Variants in DLG1 observed in about 807,000 individuals in gnomAD.
DLG1 encodes the protein discs large MAGUK scaffold protein 1.
Under a neutral mutation model 123.4 loss-of-function variants are expected in DLG1, and 42 were observed. The ratio of observed to expected loss-of-function variants is 0.34; its 90% CI spans 0.27 to 0.44. The LOEUF (loss-of-function observed/expected upper bound fraction) is 0.44, where lower values mean the gene tolerates loss of function less well. Among genes scored for constraint, DLG1 ranks in the 20% least tolerant of loss-of-function variants. DLG1 has a pLI of 1.00. For missense variants in DLG1, 942 were observed against 1,082.6 expected (o/e 0.87, Z 1.82); for synonymous variants, 317 against 356.2 (o/e 0.89, Z 1.24).
At chr3:197,213,299 A>T (rs954034817) in intron 4 of DLG1, among the ~76,000 whole-genome samples, 4 of 151,520 alleles carry the variant, frequency 2.6e-5, no homozygotes, top group Admixed American at 6.6e-5. Context: ...GCTTTTTTTT[A>T]AAAAGACACT....
chr3:197,158,932 TAAAGC>T (rs1442797882), intron 5 of DLG1, among the ~76,000 whole-genome samples: 1 of 152,210 alleles, frequency 6.6e-6, no homozygotes, highest in African/African-American at 2.4e-5. Flanking sequence ...CATCTAGTTT[TAAAGC>T]AGAGTATTTA....
intron 4 of DLG1, among the ~76,000 whole-genome samples, chr3:197,277,619 G>C (rs1356973799): frequency 6.6e-6 from 1 of 151,890 alleles, no homozygotes; most frequent in Non-Finnish European, 1.5e-5. Flanking sequence ...AGGATTACAG[G>C]TGTGAACCAC....
At position 197,119,394 on chromosome 3, in the gene DLG1, A is replaced by G; in HGVS notation, c.1286+16T>C. 1 of 1,577,428 alleles carries G rather than the reference A, an allele frequency of 6.3e-7. No homozygotes were observed. The highest frequency in any genetic ancestry group is 8.6e-7 in the Non-Finnish European group (1 of 1,160,000). Reference sequence around the variant, plus strand: ...AGTTGATTTTATGTAAGAAGGATAAATGTTAACTTCCTTACCTTGTAATTT... The same window carrying G: ...AGTTGATTTTATGTAAGAAGGATAAGTGTTAACTTCCTTACCTTGTAATTT... On this transcript the variant is annotated intron_variant, in intron 12 of 24. Coordinates refer to ENST00000667157, the MANE Select transcript of DLG1 (RefSeq NM_001366207.1).
At chr3:197,285,905 C>A (rs1185027257) in intron 3 of DLG1, among the ~76,000 whole-genome samples, 1 of 152,214 alleles carries the variant, frequency 6.6e-6, no homozygotes, top group African/African-American at 2.4e-5. Flanking sequence ...AAACTTAAGT[C>A]AACTCAAGAC....
intron 13 of DLG1, among the ~76,000 whole-genome samples, chr3:197,110,688 A>G (rs981448398): frequency 9.2e-5 from 14 of 152,140 alleles, no homozygotes; most frequent in African/African-American, 3.4e-4. Flanking sequence ...ACTTTTCTTA[A>G]TGTTATAAAG....
intron 4 of DLG1, among the ~76,000 whole-genome samples, chr3:197,281,004 A>C (rs1356234030): frequency 6.7e-6 from 1 of 150,320 alleles, no homozygotes. Context: ...CTAACATGCT[A>C]AACTTTTTGT....
At position 197,136,909 on chromosome 3, in the gene DLG1, A is replaced by G. The variant is rs1320514366; in HGVS notation, c.884-231T>C. Among the ~76,000 whole-genome samples the G allele has an allele frequency of 2.6e-5, 4 of 152,370 alleles. No individual in the cohort carries two copies. In the East Asian group the frequency reaches 7.7e-4, roughly 29 times the overall value. On this transcript the variant is annotated intron_variant, in intron 9 of 24. Coordinates refer to ENST00000667157, the MANE Select transcript of DLG1 (RefSeq NM_001366207.1). ...TTTATCCCACATGTTCCTTCTTAGTATCTTTTCGCAAATGCACTTGTTATT... is the reference window on the plus strand; with the variant it reads ...TTTATCCCACATGTTCCTTCTTAGTGTCTTTTCGCAAATGCACTTGTTATT...
At chr3:197,135,454 G>A (rs1480538017) in intron 10 of DLG1, among the ~76,000 whole-genome samples, 1 of 152,190 alleles carries the variant, frequency 6.6e-6, no homozygotes, top group Non-Finnish European at 1.5e-5. Flanking sequence ...AGAAGGGCGT[G>A]TTTGCTTTCC....
intron 12 of DLG1, among the ~76,000 whole-genome samples, chr3:197,117,756 G>A (rs1406166237): frequency 1.3e-5 from 2 of 152,102 alleles, no homozygotes; most frequent in East Asian, 1.9e-4. Flanking sequence ...GAAGGGTTCC[G>A]AAAATTGTGA....
In DLG1 at chr3:197,281,773, T is replaced by C. The variant is rs139379645; in HGVS notation, c.318+906A>G. Among the ~76,000 whole-genome samples, 332 of 152,348 alleles carry C rather than the reference T, an allele frequency of 2.2e-3. 1 individual carries two copies. The highest frequency in any genetic ancestry group is 7.5e-3 in the African/African-American group (312 of 41,590). On this transcript the variant is annotated intron_variant, in intron 4 of 24. Transcript: ENST00000667157. ...AAATAAAGTGGGTCAAGTTATTCTA[T>C]TATGGATCTCAGTTTCCTCATCTTT...
At position 197,060,026 on chromosome 3, in the gene DLG1, A is replaced by G. The variant is rs1734660843; in HGVS notation, c.2374-28T>C. 7 of 1,514,068 alleles carry G rather than the reference A, an allele frequency of 4.6e-6. No homozygotes were observed. The East Asian group carries it at 1.4e-4, about 29-fold the overall frequency. 93.8% of individuals were successfully genotyped at this position (1,514,068 alleles called of 1,614,324 possible). A position where few individuals can be genotyped will look rare whatever the true frequency, so the allele number is the denominator to read the frequency against. On this transcript the variant is annotated intron_variant, in intron 22 of 24. Coordinates refer to ENST00000667157, the MANE Select transcript of DLG1 (RefSeq NM_001366207.1). ...AAAATAAAGGGAACAAAGAAAAAAA[A>G]CAAGTGAGCCAAATATTCTCAATAA...
intron 6 of DLG1, among the ~76,000 whole-genome samples, chr3:197,143,478 G>A (rs1789110965): frequency 6.6e-6 from 1 of 151,952 alleles, no homozygotes; most frequent in African/African-American, 2.4e-5. Flanking sequence ...GGATGGTCTC[G>A]ATCTTCTGAC....
At chr3:197,246,198 T>C (rs899851347) in intron 4 of DLG1, among the ~76,000 whole-genome samples, 5 of 152,198 alleles carry the variant, frequency 3.3e-5, no homozygotes, top group African/African-American at 9.6e-5. Flanking sequence ...ATACCCATTA[T>C]GTTTTTTTCC....
intron 6 of DLG1, among the ~76,000 whole-genome samples, chr3:197,148,245 C>CAAAAAACAAAAAAAAAAAAA (rs1791975111): frequency 2.3e-5 from 1 of 43,300 alleles, no homozygotes; most frequent in South Asian, 1.5e-3. Context: ...ACCAAAAATA[C>CAAAAAACAAAAAAAAAAAAA]AAAAAAAAAA....
chr3:197,219,060 G>A (rs886315924), intron 4 of DLG1, among the ~76,000 whole-genome samples: 4 of 152,092 alleles, frequency 2.6e-5, no homozygotes, highest in African/African-American at 9.7e-5. Context: ...GAACCCAGGA[G>A]GCAGAGGTTG....
intron 5 of DLG1, among the ~76,000 whole-genome samples, chr3:197,180,440 C>T (rs1809606831): frequency 6.6e-6 from 1 of 152,034 alleles, no homozygotes. Flanking sequence ...AGGAGGGCTT[C>T]GCAATGCATA....
At chr3:197,110,598 A>T (rs1769364604) in intron 13 of DLG1, among the ~76,000 whole-genome samples, 1 of 152,176 alleles carries the variant, frequency 6.6e-6, no homozygotes, top group East Asian at 1.9e-4. Flanking sequence ...AAAAATAGGC[A>T]TTTAAAATAA....
rs554497191 is a variant in DLG1 at position 197,133,985 on chromosome 3, G to T, written c.1020+2557C>A. The stretch of plus-strand genomic sequence containing the variant: ...GACTTGCCACAATGGTATCAGCACA[G>T]GTTGCTGTCTCCTACCACCAAAGCC... On this transcript the variant is annotated intron_variant, in intron 10 of 24. Coordinates refer to ENST00000667157, the MANE Select transcript of DLG1 (RefSeq NM_001366207.1). Among the ~76,000 whole-genome samples, 52 of 152,302 alleles carry T rather than the reference G, an allele frequency of 3.4e-4. 1 individual carries two copies. The highest frequency in any genetic ancestry group is 9.9e-4 in the African/African-American group (41 of 41,570).
chr3:197,112,595 C>CT (rs941440664), intron 13 of DLG1, among the ~76,000 whole-genome samples: 37 of 150,244 alleles, frequency 2.5e-4, no homozygotes, highest in African/African-American at 6.4e-4. Context: ...TTTTTTCTTT[C>CT]TTTTTTTTTG....
Sources: gnomAD v4.1 joint callset for allele counts (sites outside exome capture counted in the v4.1 genomes callset) on GRCh38, gnomAD v4.1.1 for gene constraint, MANE v1.5 for transcripts, NCBI Gene and HGNC (gene_info 2026-07-23, HGNC 2026-07-21) for gene names.